Variants in CRACDL observed in about 807,000 individuals in gnomAD.
The protein encoded by CRACDL is CRACD like.
CRACDL carries 26 observed loss-of-function variants against 70.6 expected under a neutral mutation model. The observed-to-expected ratio is 0.37, with a 90% CI of 0.27 to 0.51. CRACDL has a LOEUF of 0.51. CRACDL is among the 20% of genes least tolerant of loss of function. The pLI, the probability that CRACDL is intolerant of heterozygous loss-of-function variation, is 0.94. For synonymous variants in CRACDL, 618 were observed against 615.2 expected, an observed-to-expected ratio of 1.00 and a Z score of -0.07; for missense variants, 1,283 against 1,376.9, an observed-to-expected ratio of 0.93 and a Z score of 1.08.
intron 7 of CRACDL, among the ~76,000 whole-genome samples, chr2:98,805,388 T>C (rs1020060305): frequency 5.3e-5 from 8 of 152,090 alleles, no homozygotes; most frequent in Non-Finnish European, 1.0e-4. Flanking sequence ...TGAGGCAAGT[T>C]TGCACCCAGA....
At chr2:98,905,641 T>C (rs980148896) in intron 1 of CRACDL, among the ~76,000 whole-genome samples, 2 of 151,614 alleles carry the variant, frequency 1.3e-5, no homozygotes, top group African/African-American at 4.8e-5. Flanking sequence ...TTTTTTTTTT[T>C]TTTTTGAGAC....
At chr2:98,805,856 G>A (rs1704269677) in intron 7 of CRACDL, among the ~76,000 whole-genome samples, 1 of 152,210 alleles carries the variant, frequency 6.6e-6, no homozygotes. Context: ...TTTCCCAACT[G>A]ATGCTCAGAA....
At chr2:98,868,983 AGGGGATGGT>A (rs1052519238) in intron 1 of CRACDL, 25 of 627,226 alleles carry the variant, frequency 4.0e-5, no homozygotes, top group Admixed American at 9.9e-5. Context: ...CATAGGCCTC[AGGGGATGGT>A]GGCCACCCAC....
intron 1 of CRACDL, among the ~76,000 whole-genome samples, chr2:98,849,528 G>T (rs938834922): frequency 6.6e-6 from 1 of 152,088 alleles, no homozygotes; most frequent in Non-Finnish European, 1.5e-5. Flanking sequence ...TTGTGAGAAA[G>T]CTGCACGGGG....
At position 98,811,773 on chromosome 2, in the gene CRACDL, T is replaced by C. The variant is rs182800471; in HGVS notation, c.2416+10084A>G. ...CATATATTTTTGCCTCTTCCAAATG[T>C]CATAGAAATGGAATAATTCAGTTTG... is the stretch of plus-strand genomic sequence containing the variant. On this transcript the variant is annotated intron_variant, in intron 7 of 9. Transcript: ENST00000397899. Among the ~76,000 whole-genome samples the C allele has an allele frequency of 8.5e-5, 13 of 152,292 alleles. No homozygotes were observed. The East Asian group carries it at 2.3e-3, about 27-fold the overall frequency.
intron 1 of CRACDL, chr2:98,913,073 A>AT (rs1708582104): frequency 6.6e-6 from 1 of 152,252 alleles, no homozygotes; most frequent in African/African-American, 2.4e-5. Context: ...CACATTTCCC[A>AT]AACATAAAAA....
intron 2 of CRACDL, among the ~76,000 whole-genome samples, chr2:98,842,868 TTGTGTGTGTGTGTGTG>T (rs67398751): frequency 5.5e-5 from 8 of 144,966 alleles, no homozygotes; most frequent in African/African-American, 1.8e-4. Flanking sequence ...TTGCTATAGT[TTGTGTGTGTGTGTGTG>T]TGTGTGTGTG....
chr2:98,827,673 G>A (rs1345770094), intron 5 of CRACDL, among the ~76,000 whole-genome samples: 1 of 152,196 alleles, frequency 6.6e-6, no homozygotes, highest in African/African-American at 2.4e-5. Flanking sequence ...AAAGTGTGGG[G>A]CCAGCTCCTG....
At chr2:98,918,495 G>A (rs138514253) in intron 1 of CRACDL, among the ~76,000 whole-genome samples, 5,445 of 128,372 alleles carry the variant, frequency 0.042, 343 homozygotes, top group African/African-American at 0.15. Context: ...ACGAGATCAC[G>A]CCATTGCACT....
At chr2:98,904,110 C>T (rs944736608) in intron 1 of CRACDL, among the ~76,000 whole-genome samples, 5 of 152,202 alleles carry the variant, frequency 3.3e-5, no homozygotes, top group African/African-American at 1.2e-4. Context: ...GTAAAATGAT[C>T]CCTAGAGAGT....
intron 1 of CRACDL, among the ~76,000 whole-genome samples, chr2:98,905,761 G>A (rs1273747184): frequency 6.6e-6 from 1 of 152,060 alleles, no homozygotes; most frequent in African/African-American, 2.4e-5. Flanking sequence ...GGGATAACAG[G>A]CACATGCCAC....
At position 98,904,138 on chromosome 2, in the gene CRACDL, C is replaced by CACT. The variant is rs1558632675; in HGVS notation, c.-11+31797_-11+31799dup. Among the ~76,000 whole-genome samples the CACT allele has an allele frequency of 5.9e-5, 9 of 152,382 alleles. No homozygotes were observed. The South Asian group carries it at 1.9e-3, about 32-fold the overall frequency. ...TAGAGAGTTATACAAACAGAAGGAA[C>CACT]ACTGAGTGGTCAGACACTGAACACA... On this transcript the variant is annotated intron_variant, in intron 1 of 9. Coordinates refer to ENST00000397899, the MANE Select transcript of CRACDL (RefSeq NM_207362.3).
At chr2:98,929,524 C>G (rs771622752) in intron 1 of CRACDL, among the ~76,000 whole-genome samples, 1 of 152,144 alleles carries the variant, frequency 6.6e-6, no homozygotes, top group East Asian at 1.9e-4. Flanking sequence ...GGGGAAGAAA[C>G]CATCCCTGAG....
chr2:98,844,872 T>C (rs1199485709), intron 2 of CRACDL, among the ~76,000 whole-genome samples: 1 of 152,244 alleles, frequency 6.6e-6, no homozygotes, highest in Non-Finnish European at 1.5e-5. Flanking sequence ...AGAAGCAATA[T>C]TAATCAAGTT....
At chr2:98,868,372 A>ACAT (rs376896517) in intron 1 of CRACDL, among the ~76,000 whole-genome samples, 1 of 152,016 alleles carries the variant, frequency 6.6e-6, no homozygotes, top group Non-Finnish European at 1.5e-5. Flanking sequence ...GTACTGACAG[A>ACAT]GACTGCCCTA....
chr2:98,861,071 T>C (rs754665788), intron 1 of CRACDL, among the ~76,000 whole-genome samples: 11 of 152,036 alleles, frequency 7.2e-5, no homozygotes, highest in Non-Finnish European at 1.3e-4. Flanking sequence ...ATAAAAACCA[T>C]AGTGATGGCT....
At chr2:98,915,079 A>C (rs1708634948) in intron 1 of CRACDL, among the ~76,000 whole-genome samples, 1 of 152,192 alleles carries the variant, frequency 6.6e-6, no homozygotes, top group Non-Finnish European at 1.5e-5. Context: ...GGGGGTTGGC[A>C]AAGGCTGCTC....
At chr2:98,884,534 T>C (rs967692296) in intron 1 of CRACDL, among the ~76,000 whole-genome samples, 7 of 152,228 alleles carry the variant, frequency 4.6e-5, no homozygotes, top group Non-Finnish European at 8.8e-5. Context: ...ATTGCATGGA[T>C]GATCCTATAT....
At chr2:98,884,340 C>T (rs1707743748) in intron 1 of CRACDL, among the ~76,000 whole-genome samples, 1 of 152,154 alleles carries the variant, frequency 6.6e-6, no homozygotes, top group Non-Finnish European at 1.5e-5. Context: ...CCAGATATTG[C>T]CAAGTACCTA....
Sources: allele counts gnomAD v4.1 joint callset (sites outside exome capture counted in the v4.1 genomes callset), GRCh38; gene constraint gnomAD v4.1.1; transcripts MANE v1.5; gene names NCBI Gene and HGNC (gene_info 2026-07-23, HGNC 2026-07-21).